PWWP3A: variants seen among roughly 807,000 people sequenced by gnomAD.
The protein encoded by PWWP3A is PWWP domain-containing DNA repair factor 3A.
PWWP3A carries 53 observed loss-of-function variants against 79.0 expected under a neutral mutation model. The observed-to-expected ratio is 0.67, with a 90% confidence interval of 0.54 to 0.84. The LOEUF (loss-of-function observed/expected upper bound fraction) is 0.84. PWWP3A is among the 40% of genes least tolerant of loss of function. PWWP3A has a pLI of 0.00. For synonymous variants in PWWP3A, 443 were observed against 394.4 expected (o/e 1.12, Z -1.46); for missense variants, 973 against 948.0 (o/e 1.03, Z -0.35).
rs1351277298 is a variant in PWWP3A, at chr19:1,369,444, TC to T, written c.1498+106del. On this transcript the variant is annotated intron_variant, in intron 10 of 13. Coordinates refer to ENST00000591337, the MANE Select transcript of PWWP3A (RefSeq NM_001369789.1). The surrounding 1 kb of genome is among the most constrained non-coding windows in gnomAD (Gnocchi z 4.0). The stretch of plus-strand genomic sequence containing the variant: ...GAGCTGCCTGGAGGCGGGGCATATT[TC>T]CGTGGGCCTGGGGCATTCCCTGTGG... The T allele has an allele frequency of 6.7e-7, 1 of 1,496,658 alleles. No individual in the cohort carries two copies. The highest frequency in any genetic ancestry group is 1.4e-5 in the African/African-American group (1 of 72,374). The allele number at this position is 1,496,658 out of a possible 1,614,324, so 92.7% of individuals were successfully genotyped here. A position where few individuals can be genotyped will look rare whatever the true frequency, so the allele number is the denominator to read the frequency against.
intron 6 of PWWP3A, among the ~76,000 whole-genome samples, chr19:1,362,653 G>A (rs2082044237): frequency 6.6e-6 from 1 of 152,264 alleles, no homozygotes; most frequent in South Asian, 2.1e-4. Context: ...CGCGGGGAGT[G>A]AGGGATGGCC....
At chr19:1,372,340 T>A (rs2082280058) in intron 12 of PWWP3A, 1 of 152,392 alleles carries the variant, frequency 6.6e-6, no homozygotes, top group East Asian at 1.9e-4. Flanking sequence ...TGGGAGAGAC[T>A]CTGCTCTGAA....
Position 1,376,623 on chromosome 19 carries a change from C to T in PWWP3A, c.*47C>T, listed in dbSNP as rs772512679. The T allele has an allele frequency of 2.6e-5, 42 of 1,600,652 alleles. No individual in the cohort carries two copies. In the Middle Eastern group the frequency reaches 5.3e-4, roughly 20 times the overall value. ...CAGCGGGGCCTGGCGGTGGAAGCGC[C>T]TCCAGTGTGCATGAGCGTGTCTGAA... is the stretch of plus-strand genomic sequence containing the variant. On this transcript the variant is annotated 3_prime_UTR_variant, in exon 14 of 14. Coordinates refer to ENST00000591337, the MANE Select transcript of PWWP3A (RefSeq NM_001369789.1).
chr19:1,373,024 G>T (rs2082294824), intron 12 of PWWP3A, 48 bp from the exon 13 acceptor site: 2 of 1,576,228 alleles, frequency 1.3e-6, no homozygotes, highest in Admixed American at 1.7e-5. Context: ...GCCACTTGGG[G>T]CCAGTTGGGC....
chr19:1,355,538 C>T (rs1484970076), intron 1 of PWWP3A, among the ~76,000 whole-genome samples: 1 of 140,960 alleles, frequency 7.1e-6, no homozygotes, highest in African/African-American at 2.7e-5. Context: ...CGCTCCACCT[C>T]CTCCGTGAGC....
intron 12 of PWWP3A, chr19:1,371,505 T>G: frequency 1.5e-6 from 1 of 658,710 alleles, no homozygotes; most frequent in Non-Finnish European, 2.8e-6. Flanking sequence ...CGCCTCATAC[T>G]CTGATAAACC....
rs1184477528 is a variant in PWWP3A at position 1,356,362 on chromosome 19, A to G, written c.-31A>G. The G allele has an allele frequency of 6.2e-7, 1 of 1,612,732 alleles. No individual in the cohort carries two copies. The highest frequency in any genetic ancestry group is 8.5e-7 in the Non-Finnish European group (1 of 1,178,678). On this transcript the variant is annotated 5_prime_UTR_variant, in exon 2 of 14. Coordinates refer to ENST00000591337, the MANE Select transcript of PWWP3A (RefSeq NM_001369789.1). Reference sequence around the variant, plus strand: ...GAGACCTGGGAGTACGTTGTGCCAAATCATTGCCACTTGCCACATGAGTGT... The same window carrying G: ...GAGACCTGGGAGTACGTTGTGCCAAGTCATTGCCACTTGCCACATGAGTGT...
intron 8 of PWWP3A, 138 bp downstream of exon 8, chr19:1,366,519 T>G (rs1600112941): frequency 2.7e-6 from 2 of 743,942 alleles, no homozygotes; most frequent in South Asian, 3.1e-5. Flanking sequence ...GCTAGTGAGG[T>G]CTCACTGGAG....
rs144335038 is a variant in PWWP3A, at chr19:1,369,019, G to A, written c.1423-246G>A. On this transcript the variant is annotated intron_variant, in intron 9 of 13. Coordinates refer to ENST00000591337, the MANE Select transcript of PWWP3A (RefSeq NM_001369789.1). This position sits in a 1 kb window ranked among gnomAD's most constrained non-coding sequence, Gnocchi z 4.0. Reference sequence around the variant, plus strand: ...TGCGTTCAGATCAGCCCAAGCCATCGGGTCCCCGGTGCCCACCATTTGAGC... The same window carrying A: ...TGCGTTCAGATCAGCCCAAGCCATCAGGTCCCCGGTGCCCACCATTTGAGC... 1.4e-3 allele frequency: 675 copies of A among 466,494 alleles called. 6 individuals are homozygous for A. The highest frequency in any genetic ancestry group is 0.012 in the African/African-American group (620 of 50,424). 28.9% of individuals were successfully genotyped at this position (466,494 alleles called of 1,614,324 possible).
chr19:1,364,445 T>G, intron 6 of PWWP3A, 64 bp from the exon 7 acceptor site: 1 of 1,241,730 alleles, frequency 8.1e-7, no homozygotes, highest in South Asian at 1.3e-5. Flanking sequence ...TTACACCTGG[T>G]GCTTGATATG....
Position 1,369,764 on chromosome 19 carries a change from A to G in PWWP3A, c.1549+118A>G, listed in dbSNP as rs2082211532. 15 of 1,136,102 alleles carry G rather than the reference A, an allele frequency of 1.3e-5. No individual in the cohort carries two copies. Among genetic ancestry groups the G allele is most frequent in the Non-Finnish European group, 2.7e-6 (2 of 747,892 alleles). The allele number at this position is 1,136,102 out of a possible 1,614,324, so 70.4% of individuals were successfully genotyped here. On this transcript the variant is annotated intron_variant, in intron 11 of 13. Transcript: ENST00000591337. The surrounding 1 kb of genome is among the most constrained non-coding windows in gnomAD (Gnocchi z 4.0). ...TGGGGTCAAGGCACTGTCCGCAGCC[A>G]CACAGCATTGTTCAACCTCTATGAG...
chr19:1,356,171 C>G, intron 1 of PWWP3A, 153 bp from the exon 2 acceptor site: 12 of 538,126 alleles, frequency 2.2e-5, no homozygotes, highest in East Asian at 9.6e-5. Context: ...GTTTGTCAGT[C>G]TGCTTTTTGG....
intron 1 of PWWP3A, among the ~76,000 whole-genome samples, chr19:1,356,013 G>A (rs1165782949): frequency 6.6e-6 from 1 of 152,080 alleles, no homozygotes; most frequent in African/African-American, 2.4e-5. Flanking sequence ...CTCTCCTGCC[G>A]AGGTCGGAGG....
intron 11 of PWWP3A, among the ~76,000 whole-genome samples, 185 bp from the exon 12 acceptor site, chr19:1,370,457 C>T (rs1052700073): frequency 6.6e-5 from 10 of 152,080 alleles, no homozygotes; most frequent in Non-Finnish European, 1.2e-4. Context: ...GGGGAAAGGC[C>T]GGGGGTCCCA....
intron 13 of PWWP3A, among the ~76,000 whole-genome samples, chr19:1,375,529 T>TTGTATATTATATATAAAA (rs2082353176): frequency 8.8e-6 from 1 of 113,496 alleles, no homozygotes; most frequent in Non-Finnish European, 1.7e-5. Flanking sequence ...ATCATATAAT[T>TTGTATATTATATATAAAA]TATATATTTT....
chr19:1,356,593 A>T, intron 2 of PWWP3A, 144 bp downstream of exon 2: 1 of 742,376 alleles, frequency 1.3e-6, no homozygotes. Context: ...TTCCCCATTT[A>T]ATGGGGTTTT....
chr19:1,366,230 T>G, intron 7 of PWWP3A, 75 bp from the exon 8 acceptor site: 3 of 1,467,156 alleles, frequency 2.0e-6, no homozygotes, highest in Non-Finnish European at 2.9e-6. Context: ...ATGTATCATG[T>G]GATGTCACAA....
chr19:1,375,497 A>C (rs1324983878), intron 13 of PWWP3A, among the ~76,000 whole-genome samples: 2 of 46,576 alleles, frequency 4.3e-5, no homozygotes, highest in Non-Finnish European at 8.3e-5. Flanking sequence ...AAAATATATA[A>C]ATTTTATATA....
chr19:1,363,275 A>C (rs192940005), intron 6 of PWWP3A, among the ~76,000 whole-genome samples: 1 of 151,898 alleles, frequency 6.6e-6, no homozygotes, highest in Non-Finnish European at 1.5e-5. Flanking sequence ...ACAGTCTCAC[A>C]TTTTCCCTTT....
Sources: gnomAD v4.1 joint callset for allele counts (sites outside exome capture counted in the v4.1 genomes callset) on GRCh38, gnomAD v4.1.1 for gene constraint, Gnocchi (gnomAD v3.1) non-coding constraint, MANE v1.5 for transcripts, NCBI Gene and HGNC (gene_info 2026-07-23, HGNC 2026-07-21) for gene names.